Variants in TENM4 observed in about 807,000 individuals in gnomAD.
TENM4 encodes teneurin-4.
TENM4 carries 82 observed loss-of-function variants against 243.3 expected under a neutral mutation model. That is an observed-to-expected ratio of 0.34 (90% CI 0.28 to 0.40). The LOEUF is 0.40. Among genes scored for constraint, TENM4 ranks in the 10% least tolerant of loss-of-function variants. TENM4 has a pLI of 1.00. For missense variants in TENM4, 3,138 were observed against 3,673.3 expected, an observed-to-expected ratio of 0.85 and a Z score of 3.77; for synonymous variants, 1,412 against 1,456.3, an observed-to-expected ratio of 0.97 and a Z score of 0.69.
intron 6 of TENM4, among the ~76,000 whole-genome samples, chr11:78,920,149 A>T (rs1025902302): frequency 6.6e-6 from 1 of 152,126 alleles, no homozygotes; most frequent in African/African-American, 2.4e-5. Context: ...CCTCATCAAC[A>T]TCTCAGCAGA....
At chr11:78,667,296 G>T (rs544814993) in intron 32 of TENM4, among the ~76,000 whole-genome samples, 1 of 152,114 alleles carries the variant, frequency 6.6e-6, no homozygotes, top group Non-Finnish European at 1.5e-5. Context: ...CTCAATGTGT[G>T]ACAACATGGA....
intron 6 of TENM4, among the ~76,000 whole-genome samples, chr11:78,957,742 C>T (rs1450265102): frequency 6.6e-6 from 1 of 152,218 alleles, no homozygotes; most frequent in Non-Finnish European, 1.5e-5. Context: ...GGCCCAGCAT[C>T]CAAAGTTTGG....
At chr11:78,693,616 TA>T (rs1242135351) in intron 28 of TENM4, among the ~76,000 whole-genome samples, 2 of 152,188 alleles carry the variant, frequency 1.3e-5, no homozygotes, top group African/African-American at 4.8e-5. Context: ...GGGGGTATGA[TA>T]GGGATGACCA....
intron 1 of TENM4, among the ~76,000 whole-genome samples, chr11:79,305,257 G>A (rs988347236): frequency 5.3e-5 from 8 of 152,362 alleles, no homozygotes; most frequent in Non-Finnish European, 8.8e-5. Context: ...TATCTGCAAA[G>A]TGAAGATCTT....
chr11:78,851,090 T>C, intron 12 of TENM4, among the ~76,000 whole-genome samples: 1 of 152,174 alleles, frequency 6.6e-6, no homozygotes, highest in Non-Finnish European at 1.5e-5. Flanking sequence ...TATTCAACAG[T>C]ATTTGAGAAC....
At position 79,167,799 on chromosome 11, in the gene TENM4, A is replaced by G. The variant is rs1862948304; in HGVS notation, c.-162-18993T>C. ...TGGAGGACACCCCCAGGTCTATCTG[A>G]CCCTCCCCTCTCTAAACCAGGCTCC... On this transcript the variant is annotated intron_variant, in intron 3 of 33. Transcript: ENST00000278550. Among the ~76,000 whole-genome samples the G allele has an allele frequency of 2.0e-5, 3 of 151,910 alleles. No individual in the cohort carries two copies. The South Asian group carries it at 6.3e-4, about 32-fold the overall frequency.
chr11:79,258,772 C>CT (rs1855742816), intron 2 of TENM4, among the ~76,000 whole-genome samples: 1 of 152,174 alleles, frequency 6.6e-6, no homozygotes, highest in African/African-American at 2.4e-5. Context: ...CTGTTTGTCT[C>CT]TTTTTAAGCA....
intron 4 of TENM4, among the ~76,000 whole-genome samples, chr11:79,071,973 G>A (rs1014531559): frequency 6.6e-6 from 1 of 152,106 alleles, no homozygotes; most frequent in Non-Finnish European, 1.5e-5. Context: ...TAATGCTGGG[G>A]CAAGGGGTGT....
chr11:79,387,759 C>T (rs1858147389), intron 1 of TENM4, among the ~76,000 whole-genome samples: 1 of 152,208 alleles, frequency 6.6e-6, no homozygotes, highest in Admixed American at 6.5e-5. Flanking sequence ...AATCCCAGCA[C>T]TTTGGGAGGC....
intron 4 of TENM4, among the ~76,000 whole-genome samples, chr11:79,144,711 C>T (rs535518597): frequency 6.6e-6 from 1 of 151,984 alleles, no homozygotes; most frequent in East Asian, 1.9e-4. Context: ...TCTCACTCAT[C>T]TGTGGGAACT....
chr11:78,996,443 C>T (rs1484294282), intron 6 of TENM4, among the ~76,000 whole-genome samples: 1 of 152,206 alleles, frequency 6.6e-6, no homozygotes, highest in Non-Finnish European at 1.5e-5. Flanking sequence ...CTCCAGCCAC[C>T]ATGCGACTAA....
chr11:79,064,610 C>T (rs925700441), intron 6 of TENM4, 128 bp downstream of exon 6: 11 of 1,253,686 alleles, frequency 8.8e-6, no homozygotes, highest in Non-Finnish European at 1.2e-5. Flanking sequence ...GACATTTGAC[C>T]CCTGAGAGTA....
chr11:79,361,549 T>G (rs1857589581), intron 1 of TENM4, among the ~76,000 whole-genome samples: 1 of 152,180 alleles, frequency 6.6e-6, no homozygotes, highest in South Asian at 2.1e-4. Flanking sequence ...CAGCACTGCT[T>G]CTTGAGTCCC....
At chr11:78,982,343 G>T (rs910899162) in intron 6 of TENM4, among the ~76,000 whole-genome samples, 1 of 152,096 alleles carries the variant, frequency 6.6e-6, no homozygotes, top group African/African-American at 2.4e-5. Context: ...AGGTCCACTC[G>T]CGGCTGTGGC....
At chr11:78,824,245 T>G (rs916044591) in intron 12 of TENM4, among the ~76,000 whole-genome samples, 5 of 152,098 alleles carry the variant, frequency 3.3e-5, no homozygotes, top group Non-Finnish European at 7.4e-5. Context: ...ACAGGAAGCA[T>G]AACACCGGCA....
At chr11:79,374,513 T>G (rs1857850263) in intron 1 of TENM4, among the ~76,000 whole-genome samples, 1 of 151,742 alleles carries the variant, frequency 6.6e-6, no homozygotes, top group Admixed American at 6.6e-5. Flanking sequence ...GATATTAATT[T>G]CACCTTGTTT....
chr11:79,200,161 C>A (rs1156349983), intron 3 of TENM4, among the ~76,000 whole-genome samples: 4 of 152,180 alleles, frequency 2.6e-5, no homozygotes, highest in Non-Finnish European at 4.4e-5. Flanking sequence ...GGGAAATGCA[C>A]CGTGCTCTGT....
At chr11:79,391,413 C>T (rs1253422064) in intron 1 of TENM4, among the ~76,000 whole-genome samples, 2 of 151,770 alleles carry the variant, frequency 1.3e-5, no homozygotes, top group Non-Finnish European at 2.9e-5. Flanking sequence ...TGGAACCAGG[C>T]TCCCCTAGGG....
At chr11:79,262,563 C>G (rs1343457763) in intron 2 of TENM4, among the ~76,000 whole-genome samples, 1 of 152,202 alleles carries the variant, frequency 6.6e-6, no homozygotes, top group Non-Finnish European at 1.5e-5. Flanking sequence ...GTCTCTTTCC[C>G]AACCCCATTT....
Sources: allele counts gnomAD v4.1 joint callset (sites outside exome capture counted in the v4.1 genomes callset), GRCh38; gene constraint gnomAD v4.1.1; transcripts MANE v1.5; gene names NCBI Gene and HGNC (gene_info 2026-07-23, HGNC 2026-07-21).